SUMF1: variants seen among roughly 807,000 people sequenced by gnomAD.
SUMF1 encodes the protein formylglycine-generating enzyme.
In SUMF1, 48 loss-of-function variants were observed where a neutral mutation model predicts 47.6. The ratio of observed to expected loss-of-function variants is 1.01; its 90% CI spans 0.80 to 1.28. SUMF1 has a LOEUF of 1.28. SUMF1 is among the 50% of genes most tolerant of loss of function. SUMF1 has a pLI of 0.00. For synonymous variants in SUMF1, 230 were observed against 192.1 expected (o/e 1.20, Z -1.63); for missense variants, 571 against 485.4 (o/e 1.18, Z -1.66).
At position 4,169,047 on chromosome 3, in the gene SUMF1, T is replaced by C. The variant is rs141654179; in HGVS notation, c.1015-100302A>G. On this transcript the variant is annotated intron_variant and NMD_transcript_variant, in intron 8 of 12. Transcript: ENST00000448413. ...TTTTTCTCTCTCGGGAAAAAGTAGA[T>C]AGAAAACTGTAATTGTTGTCTCTTT... 9.7e-4 allele frequency among the ~76,000 whole-genome samples: 147 copies of C among 152,296 alleles called. 3 individuals are homozygous for C. The East Asian group carries it at 0.026, about 27-fold the overall frequency.
At chr3:4,115,826 A>G (rs1283572077) in intron 8 of SUMF1, among the ~76,000 whole-genome samples, 1 of 152,126 alleles carries the variant, frequency 6.6e-6, no homozygotes, top group Admixed American at 6.5e-5. Flanking sequence ...CGATATTTAA[A>G]AAAACATAAA....
chr3:4,188,752 A>T (rs1162756168), intron 8 of SUMF1, among the ~76,000 whole-genome samples: 2 of 152,192 alleles, frequency 1.3e-5, no homozygotes, highest in African/African-American at 4.8e-5. Flanking sequence ...AATGGGGATA[A>T]TAAGAACAAT....
rs370391553 is a variant in SUMF1 at position 4,138,628 on chromosome 3, C to T, written c.1015-69883G>A. Among the ~76,000 whole-genome samples the T allele has an allele frequency of 7.9e-5, 12 of 152,230 alleles. 2 individuals carry two copies. The highest frequency in any genetic ancestry group is 6.5e-5 in the Admixed American group (1 of 15,278). ...GAGCTTTGAGTATTGTCACACATCA[C>T]AGCTAGGATGAGGTAACGCCATCCA... On this transcript the variant is annotated intron_variant and NMD_transcript_variant, in intron 8 of 12. Transcript: ENST00000448413.
At chr3:4,407,017 TA>T (rs1701396976) in intron 7 of SUMF1, among the ~76,000 whole-genome samples, 1 of 152,050 alleles carries the variant, frequency 6.6e-6, no homozygotes, top group African/African-American at 2.4e-5. Flanking sequence ...GGCCATTTAC[TA>T]GGTTGTATCT....
chr3:4,307,226 G>A (rs140757395), intron 8 of SUMF1, among the ~76,000 whole-genome samples: 172 of 152,266 alleles, frequency 1.1e-3, no homozygotes, highest in South Asian at 2.3e-3. Flanking sequence ...TCTTCAGTAC[G>A]GAATGTGATT....
In SUMF1 at chr3:4,245,161, G is replaced by C. The variant is rs141636645; in HGVS notation, c.1014+131169C>G. 6.9e-3 allele frequency among the ~76,000 whole-genome samples: 1,049 copies of C among 152,074 alleles called. 11 individuals are homozygous for C. The highest frequency in any genetic ancestry group is 0.024 in the African/African-American group (992 of 41,490). The stretch of plus-strand genomic sequence containing the variant: ...ATCTAACCTTTTTTCAAGGTTTTTA[G>C]CTTCCTTGCTATGGGTTGGAACATC... On this transcript the variant is annotated intron_variant and NMD_transcript_variant, in intron 8 of 12. Transcript: ENST00000448413.
intron 8 of SUMF1, among the ~76,000 whole-genome samples, chr3:4,143,907 G>A (rs962427432): frequency 2.0e-5 from 3 of 151,800 alleles, no homozygotes; most frequent in Non-Finnish European, 4.4e-5. Flanking sequence ...CAGAGCCACG[G>A]TGATATGTAC....
intron 8 of SUMF1, among the ~76,000 whole-genome samples, chr3:4,171,478 A>T (rs565588731): frequency 2.4e-4 from 36 of 152,306 alleles, no homozygotes; most frequent in Admixed American, 2.2e-3. Context: ...ATTCAGGCCA[A>T]ATGATTACAT....
rs1223459003 is a variant in SUMF1, at chr3:4,097,582, C to T, written c.1015-28837G>A. Among the ~76,000 whole-genome samples the T allele has an allele frequency of 2.0e-5, 3 of 151,960 alleles. 1 individual carries two copies. The highest frequency in any genetic ancestry group is 4.2e-4 in the South Asian group (2 of 4,818). On this transcript the variant is annotated intron_variant and NMD_transcript_variant, in intron 8 of 12. Coordinates refer to the SUMF1 transcript ENST00000448413. Reference sequence around the variant, plus strand: ...AAACAAAAACAAAAACAAAAAACACCTCTGGTTTATATTAAAAATTCATGT... The same window carrying T: ...AAACAAAAACAAAAACAAAAAACACTTCTGGTTTATATTAAAAATTCATGT...
intron 1 of SUMF1, among the ~76,000 whole-genome samples, chr3:4,465,040 T>C (rs369854551): frequency 9.2e-5 from 14 of 151,896 alleles, no homozygotes; most frequent in Admixed American, 5.2e-4. Flanking sequence ...CAGAGGAAAA[T>C]AGAATGTTTA....
chr3:4,049,629 G>A (rs527347529), intron 9 of SUMF1, among the ~76,000 whole-genome samples: 3 of 152,242 alleles, frequency 2.0e-5, no homozygotes, highest in African/African-American at 4.8e-5. Flanking sequence ...CAGCCCCAGG[G>A]CAGCATTCAG....
chr3:4,252,590 A>C (rs1285272277), intron 8 of SUMF1, among the ~76,000 whole-genome samples: 1 of 152,180 alleles, frequency 6.6e-6, no homozygotes, highest in East Asian at 1.9e-4. Context: ...ACGTACAATG[A>C]ACTTAAAGGT....
intron 3 of SUMF1, among the ~76,000 whole-genome samples, chr3:4,440,923 A>G (rs1359666394): frequency 6.6e-6 from 1 of 152,226 alleles, no homozygotes; most frequent in Non-Finnish European, 1.5e-5. Flanking sequence ...TATTAATAAC[A>G]CAATTATGAA....
intron 7 of SUMF1, among the ~76,000 whole-genome samples, chr3:4,406,347 T>C (rs1159316417): frequency 2.6e-5 from 4 of 152,192 alleles, no homozygotes; most frequent in African/African-American, 7.2e-5. Flanking sequence ...CTTTGGTTTA[T>C]TCCAAAATTA....
chr3:4,110,582 T>G (rs1054359240), intron 8 of SUMF1, among the ~76,000 whole-genome samples: 1 of 151,812 alleles, frequency 6.6e-6, no homozygotes, highest in Non-Finnish European at 1.5e-5. Flanking sequence ...AACAAAGACT[T>G]GGAACCAACC....
intron 8 of SUMF1, among the ~76,000 whole-genome samples, chr3:4,238,245 T>A (rs1264072024): frequency 6.6e-6 from 1 of 152,168 alleles, no homozygotes; most frequent in African/African-American, 2.4e-5. Context: ...AACATACGTG[T>A]GCATGTGTCT....
intron 8 of SUMF1, among the ~76,000 whole-genome samples, chr3:4,343,223 A>AT (rs1699308030): frequency 6.6e-6 from 1 of 152,192 alleles, no homozygotes; most frequent in Non-Finnish European, 1.5e-5. Flanking sequence ...ACAGAACACG[A>AT]TTTTTTAACT....
intron 7 of SUMF1, among the ~76,000 whole-genome samples, chr3:4,404,197 T>A (rs961164294): frequency 3.9e-5 from 6 of 152,188 alleles, no homozygotes; most frequent in Non-Finnish European, 8.8e-5. Flanking sequence ...AAAATTACAA[T>A]GAGTAAACAT....
At chr3:4,394,638 G>T (rs140230166) in intron 7 of SUMF1, among the ~76,000 whole-genome samples, 1 of 152,308 alleles carries the variant, frequency 6.6e-6, no homozygotes, top group African/African-American at 2.4e-5. Context: ...TTCTCGTTAG[G>T]ATGTGCTACA....
Sources: gnomAD v4.1 joint callset for allele counts (sites outside exome capture counted in the v4.1 genomes callset) on GRCh38, gnomAD v4.1.1 for gene constraint, MANE v1.5 for transcripts, NCBI Gene and HGNC (gene_info 2026-07-23, HGNC 2026-07-21) for gene names.